Variants in TOX3 observed in about 807,000 individuals in gnomAD.
TOX3 encodes the protein TOX high mobility group box family member 3.
TOX3 carries 22 observed loss-of-function variants against 64.3 expected under a neutral mutation model. That is an observed-to-expected ratio of 0.34 (90% CI 0.24 to 0.49). TOX3 has a LOEUF of 0.49. Among genes scored for constraint, TOX3 ranks in the 20% least tolerant of loss-of-function variants. TOX3 has a pLI of 0.99. For synonymous variants in TOX3, 291 were observed against 273.6 expected, an observed-to-expected ratio of 1.06 and a Z score of -0.63; for missense variants, 661 against 714.4, an observed-to-expected ratio of 0.93 and a Z score of 0.85.
rs1203770040 is a variant in TOX3 at position 52,504,459 on chromosome 16, TC to T, written c.88-35886del. Among the ~76,000 whole-genome samples, 12 of 112,854 alleles carry T rather than the reference TC, an allele frequency of 1.1e-4. No homozygotes were observed. The Admixed American group carries it at 1.4e-3, about 13-fold the overall frequency. The allele number at this position is 112,854 out of a possible 152,430, so 74.0% of individuals were successfully genotyped here. ...TCCAGCCTAGGTGATAGAGCGAGAC[TC>T]CGTCTCAAAAAAAAAAAAAAAAAAG... is the stretch of plus-strand genomic sequence containing the variant. On this transcript the variant is annotated intron_variant, in intron 1 of 6. Coordinates refer to ENST00000219746, the MANE Select transcript of TOX3 (RefSeq NM_001080430.4).
rs569870169 is a variant in TOX3, at chr16:52,498,277, T to C, written c.88-29703A>G. Among the ~76,000 whole-genome samples the C allele has an allele frequency of 3.3e-5, 5 of 152,346 alleles. No individual in the cohort carries two copies. In the South Asian group the frequency reaches 1.0e-3, roughly 32 times the overall value. ...TATTTCAACTGAATAGGAAGGGAAC[T>C]GTTTTATGTTTCTCTCCACCGCTTT... On this transcript the variant is annotated intron_variant, in intron 1 of 6. Coordinates refer to ENST00000219746, the MANE Select transcript of TOX3 (RefSeq NM_001080430.4).
chr16:52,536,151 C>G (rs879060828), intron 1 of TOX3, among the ~76,000 whole-genome samples: 1 of 152,128 alleles, frequency 6.6e-6, no homozygotes, highest in Non-Finnish European at 1.5e-5. Flanking sequence ...CACCCCCTAT[C>G]CTCATGAAGT....
chr16:52,491,802 G>A (rs1596822374), intron 1 of TOX3, among the ~76,000 whole-genome samples: 3 of 152,290 alleles, frequency 2.0e-5, no homozygotes, highest in South Asian at 2.1e-4. Context: ...CTTAGAGAGG[G>A]GAACTGAAGC....
intron 5 of TOX3, 146 bp from the exon 6 acceptor site, chr16:52,444,502 C>CACACACAA (rs1423602280): frequency 2.9e-6 from 1 of 339,408 alleles, no homozygotes; most frequent in African/African-American, 2.3e-5. Flanking sequence ...AGCGCATGCA[C>CACACACAA]ACACACACAC....
Position 52,464,226 on chromosome 16 carries a change from T to C in TOX3, c.154-38A>G, listed in dbSNP as rs369054022. On this transcript the variant is annotated intron_variant, in intron 2 of 6. Transcript: ENST00000219746. ...AAAATACAGGTATCTTCATATTCTG[T>C]TCCTATATCTTATTCCTCCGGGGAG... 99 of 1,413,844 alleles carry C rather than the reference T, an allele frequency of 7.0e-5. 1 individual carries two copies. In the South Asian group the frequency reaches 1.7e-3, roughly 24 times the overall value. The allele number at this position is 1,413,844 out of a possible 1,614,324, so 87.6% of individuals were successfully genotyped here.
At chr16:52,440,067 C>T in intron 6 of TOX3, 99 bp from the exon 7 acceptor site, 2 of 967,524 alleles carry the variant, frequency 2.1e-6, no homozygotes, top group Non-Finnish European at 2.9e-6. Context: ...TTTTAACGGC[C>T]ACCATTATTC....
chr16:52,535,418 C>T (rs28750243), intron 1 of TOX3, among the ~76,000 whole-genome samples: 1 of 152,194 alleles, frequency 6.6e-6, no homozygotes, highest in African/African-American at 2.4e-5. Flanking sequence ...CCCCTTCAAT[C>T]CCCTTCGTCC....
intron 3 of TOX3, among the ~76,000 whole-genome samples, chr16:52,460,638 T>C (rs1478745758): frequency 3.3e-5 from 5 of 152,146 alleles, no homozygotes; most frequent in Admixed American, 3.3e-4. Context: ...CACATACTCC[T>C]GTCCTGTCAT....
intron 1 of TOX3, among the ~76,000 whole-genome samples, chr16:52,504,961 A>C (rs185353771): frequency 1.3e-4 from 20 of 152,196 alleles, no homozygotes; most frequent in African/African-American, 4.8e-4. Context: ...CAGCCACCCA[A>C]GTAGCTGGGA....
chr16:52,496,913 TA>T (rs11287146), intron 1 of TOX3, among the ~76,000 whole-genome samples: 83,402 of 148,686 alleles, frequency 0.56, 24,811 homozygotes, highest in African/African-American at 0.78. Context: ...ATTTATTTGT[TA>T]AAAAAAAAAA....
intron 5 of TOX3, 142 bp from the exon 6 acceptor site, chr16:52,444,498 TGC>T (rs1491466586): frequency 9.2e-6 from 3 of 324,936 alleles, no homozygotes; most frequent in Non-Finnish European, 1.1e-5. Flanking sequence ...TGTTAGCGCA[TGC>T]ACACACACAC....
intron 3 of TOX3, among the ~76,000 whole-genome samples, chr16:52,459,034 C>A (rs1476448068): frequency 6.6e-6 from 1 of 152,072 alleles, no homozygotes; most frequent in Admixed American, 6.5e-5. Context: ...TAAAAACAGG[C>A]CAGGTGCAGT....
intron 1 of TOX3, among the ~76,000 whole-genome samples, chr16:52,525,983 C>T (rs1962719983): frequency 6.6e-6 from 1 of 152,140 alleles, no homozygotes; most frequent in Non-Finnish European, 1.5e-5. Context: ...TCAGGAACTG[C>T]CCATGTTGCC....
chr16:52,540,697 T>C (rs1379757370), intron 1 of TOX3, among the ~76,000 whole-genome samples: 1 of 152,148 alleles, frequency 6.6e-6, no homozygotes, highest in Non-Finnish European at 1.5e-5. Context: ...GAGAAAGTAC[T>C]CATTTGTGAC....
intron 3 of TOX3, among the ~76,000 whole-genome samples, chr16:52,460,716 T>C (rs1232150968): frequency 7.9e-6 from 1 of 126,088 alleles, no homozygotes; most frequent in Non-Finnish European, 1.8e-5. Context: ...TTAAGCCAAA[T>C]AAGAAAAAAA....
intron 1 of TOX3, among the ~76,000 whole-genome samples, chr16:52,534,488 A>G (rs1477730856): frequency 1.3e-5 from 2 of 152,230 alleles, no homozygotes; most frequent in African/African-American, 4.8e-5. Flanking sequence ...AATATTAAAA[A>G]TTAGCTGGGT....
chr16:52,516,936 T>C (rs1470277855), intron 1 of TOX3, among the ~76,000 whole-genome samples: 1 of 152,126 alleles, frequency 6.6e-6, no homozygotes, highest in Non-Finnish European at 1.5e-5. Flanking sequence ...AAACCAAAAC[T>C]CTGTTATACC....
intron 3 of TOX3, among the ~76,000 whole-genome samples, chr16:52,457,878 A>G (rs754036103): frequency 5.3e-5 from 8 of 152,182 alleles, no homozygotes; most frequent in Non-Finnish European, 1.0e-4. Context: ...CAGGGTTGTA[A>G]TCAGACATAC....
chr16:52,507,505 C>A (rs1324581891), intron 1 of TOX3, among the ~76,000 whole-genome samples: 3 of 152,214 alleles, frequency 2.0e-5, no homozygotes, highest in Non-Finnish European at 4.4e-5. Context: ...TCTTTGTCAT[C>A]AGGAGTGCTT....
Sources: gnomAD v4.1 joint callset for allele counts (sites outside exome capture counted in the v4.1 genomes callset) on GRCh38, gnomAD v4.1.1 for gene constraint, MANE v1.5 for transcripts, NCBI Gene and HGNC (gene_info 2026-07-23, HGNC 2026-07-21) for gene names.